CEMIP: variants seen among roughly 807,000 people sequenced by gnomAD.
The protein encoded by CEMIP is cell migration inducing hyaluronidase 1, also known as cell migration-inducing and hyaluronan-binding protein.
Under a neutral mutation model 156.9 loss-of-function variants are expected in CEMIP, and 105 were observed. That is an observed-to-expected ratio of 0.67 (90% confidence interval 0.57 to 0.79). The LOEUF (loss-of-function observed/expected upper bound fraction) is 0.79. Among genes scored for constraint, CEMIP ranks in the 30% least tolerant of loss-of-function variants. The pLI is 0.00. For missense variants in CEMIP, 1,457 were observed against 1,769.4 expected (o/e 0.82, Z 3.17); for synonymous variants, 676 against 668.4 (o/e 1.01, Z -0.17).
chr15:80,869,454 C>T (rs1898217330), intron 1 of CEMIP, among the ~76,000 whole-genome samples: 1 of 152,182 alleles, frequency 6.6e-6, no homozygotes, highest in African/African-American at 2.4e-5. Flanking sequence ...GACTTATATT[C>T]TCATATGTCA....
At chr15:80,900,638 G>GTGTGTC (rs1899467162) in intron 12 of CEMIP, among the ~76,000 whole-genome samples, 1,403 of 101,454 alleles carry the variant, frequency 0.014, 9 homozygotes, top group Middle Eastern at 0.017. Context: ...GTGTGTGTGT[G>GTGTGTC]TGTGTGTGTG....
At chr15:80,791,795 G>A (rs1378740338) in intron 1 of CEMIP, among the ~76,000 whole-genome samples, 2 of 152,134 alleles carry the variant, frequency 1.3e-5, no homozygotes. Flanking sequence ...CTGCCTTGTT[G>A]ACTGACCTGC....
Position 80,941,992 on chromosome 15 carries a change from A to T in CEMIP, c.3551A>T (p.Lys1184Met). ...VSDCTATAYPKFTERAVVDVP... is the reference protein window; with the variant it reads ...VSDCTATAYPMFTERAVVDVP... ...GACTGCACAGCCACAGCTTACCCCA[A>T]GTTCACCGAGAGGGCTGTCGTAGAC... Residue 1184 changes from lysine (K) to methionine (M), a missense_variant, in exon 26 of 30, where the codon AAG becomes ATG. This residue lies in a region of CEMIP where 798 missense variants were observed against 980.1 expected (regional missense o/e 0.81). Transcript: ENST00000394685. The T allele has an allele frequency of 6.2e-7, 1 of 1,613,888 alleles. No individual in the cohort carries two copies. The highest frequency in any genetic ancestry group is 8.5e-7 in the Non-Finnish European group (1 of 1,179,970).
rs533202639 is a variant in CEMIP, at chr15:80,925,726, C to T, written c.2391C>T (p.Arg797=). ...YKNQDHGAWL[R]GGDVWLDSCR... ...ACCAGGACCACGGGGCCTGGCTGCG[C>T]GGCGGGGATGTGTGGCTGGACAGCT... is the stretch of plus-strand genomic sequence containing the variant. Residue 797 remains arginine (R), a synonymous_variant, in exon 19 of 30, where the codon CGC becomes CGT. Coordinates refer to ENST00000394685, the MANE Select transcript of CEMIP (RefSeq NM_001293298.2). 1.7e-5 allele frequency: 27 copies of T among 1,613,490 alleles called. No homozygotes were observed. Among genetic ancestry groups the T allele is most frequent in the Middle Eastern group, 1.7e-4 (1 of 6,046 alleles).
chr15:80,916,901 G>C (rs1900294166), intron 14 of CEMIP, among the ~76,000 whole-genome samples: 1 of 152,166 alleles, frequency 6.6e-6, no homozygotes, highest in Non-Finnish European at 1.5e-5. Context: ...GCAGCCCAAA[G>C]TGAGAGCGTC....
At chr15:80,805,658 T>C (rs1896496756) in intron 1 of CEMIP, among the ~76,000 whole-genome samples, 2 of 152,206 alleles carry the variant, frequency 1.3e-5, no homozygotes, top group South Asian at 4.1e-4. Context: ...TAGGTATAAA[T>C]TCCTCAGCTT....
At chr15:80,927,684 G>A (rs1042847404) in intron 19 of CEMIP, among the ~76,000 whole-genome samples, 2 of 152,108 alleles carry the variant, frequency 1.3e-5, no homozygotes, top group African/African-American at 4.8e-5. Context: ...TCCTACGTGT[G>A]GACAAGGTTG....
chr15:80,943,156 G>T lies in CEMIP; in HGVS notation c.3857+54G>T, dbSNP rs975465970. 12 of 1,593,716 alleles carry T rather than the reference G, an allele frequency of 7.5e-6. No individual in the cohort carries two copies. In the African/African-American group the frequency reaches 1.6e-4, roughly 21 times the overall value. On this transcript the variant is annotated intron_variant, in intron 28 of 29. Coordinates refer to ENST00000394685, the MANE Select transcript of CEMIP (RefSeq NM_001293298.2). ...GGCTGCTGGCACAGCAGACCCCTGG[G>T]CAAGGGCCCCCTCCCTCTCACAAAG...
chr15:80,935,582 T>C (rs1018094935), intron 23 of CEMIP, among the ~76,000 whole-genome samples: 9 of 152,200 alleles, frequency 5.9e-5, no homozygotes, highest in African/African-American at 2.2e-4. Context: ...CCATCTTATA[T>C]GCGATAAAAC....
chr15:80,811,827 G>C (rs1040040833), intron 1 of CEMIP, among the ~76,000 whole-genome samples: 3 of 152,136 alleles, frequency 2.0e-5, no homozygotes, highest in Non-Finnish European at 2.9e-5. Context: ...AAACTGTTGG[G>C]ATTACAGGCG....
chr15:80,940,447 C>G (rs936908756), intron 25 of CEMIP, among the ~76,000 whole-genome samples: 8 of 152,184 alleles, frequency 5.3e-5, no homozygotes, highest in African/African-American at 7.2e-5. Context: ...ATGTTGGGAG[C>G]CTCCAGGGAG....
chr15:80,900,628 G>GTGTGTGTC (rs1899461874), intron 12 of CEMIP, among the ~76,000 whole-genome samples: 1 of 136,704 alleles, frequency 7.3e-6, no homozygotes, highest in African/African-American at 2.6e-5. Flanking sequence ...GTGTGTGTGT[G>GTGTGTGTC]TGTGTGTGTG....
intron 1 of CEMIP, among the ~76,000 whole-genome samples, chr15:80,794,955 G>A (rs1896179470): frequency 6.6e-6 from 1 of 152,148 alleles, no homozygotes; most frequent in Non-Finnish European, 1.5e-5. Context: ...CATAGGCAGA[G>A]CCTAGGAGGA....
At chr15:80,837,045 C>T (rs1224432078) in intron 1 of CEMIP, among the ~76,000 whole-genome samples, 2 of 152,232 alleles carry the variant, frequency 1.3e-5, no homozygotes, top group African/African-American at 4.8e-5. Context: ...AACAGACCCA[C>T]ATCCAACATC....
At chr15:80,842,024 A>T (rs759122883) in intron 1 of CEMIP, 3 of 482,256 alleles carry the variant, frequency 6.2e-6, no homozygotes, top group Admixed American at 2.8e-5. Context: ...CTGATTTGAG[A>T]CAGTGACAAC....
At chr15:80,846,005 T>G (rs1897546739) in intron 1 of CEMIP, among the ~76,000 whole-genome samples, 1 of 151,992 alleles carries the variant, frequency 6.6e-6, no homozygotes, top group Non-Finnish European at 1.5e-5. Context: ...CTACATACAC[T>G]CCCACCCTCA....
intron 4 of CEMIP, 68 bp downstream of exon 4, chr15:80,878,935 G>C: frequency 6.3e-7 from 1 of 1,594,336 alleles, no homozygotes; most frequent in Non-Finnish European, 8.6e-7. Context: ...ATAGGATGCA[G>C]GTTGCCATGA....
chr15:80,841,767 G>T (rs998647851), intron 1 of CEMIP, among the ~76,000 whole-genome samples: 8 of 152,312 alleles, frequency 5.3e-5, no homozygotes, highest in Admixed American at 3.3e-4. Context: ...GCAGTTGGCC[G>T]TATTGCTGGG....
chr15:80,890,967 G>C (rs759255270), intron 10 of CEMIP, among the ~76,000 whole-genome samples: 3 of 152,194 alleles, frequency 2.0e-5, no homozygotes, highest in Non-Finnish European at 2.9e-5. Flanking sequence ...TTCTCCTTGG[G>C]TCCAACAGAA....
Sources: gnomAD v4.1 joint callset for allele counts (sites outside exome capture counted in the v4.1 genomes callset) on GRCh38, gnomAD v4.1.1 for gene constraint, gnomAD v4.1.1 regional missense constraint, MANE v1.5 for transcripts, NCBI Gene and HGNC (gene_info 2026-07-23, HGNC 2026-07-21) for gene names.